XKR6: variants seen among roughly 807,000 people sequenced by gnomAD.
XKR6 encodes the protein XK-related protein 6.
In XKR6, 22 loss-of-function variants were observed where a neutral mutation model predicts 56.7. The observed-to-expected ratio is 0.39, with a 90% CI of 0.28 to 0.55. The LOEUF (loss-of-function observed/expected upper bound fraction) is 0.55, where lower values mean the gene tolerates loss of function less well. Ranked by LOEUF, XKR6 falls within the 20% of genes least tolerant of loss-of-function variation. XKR6 has a pLI of 0.66. For missense variants in XKR6, 852 were observed against 889.0 expected (o/e 0.96, Z 0.53); for synonymous variants, 524 against 387.8 (o/e 1.35, Z -4.13).
intron 1 of XKR6, among the ~76,000 whole-genome samples, chr8:11,093,988 G>A (rs968013121): frequency 1.2e-4 from 18 of 151,644 alleles, no homozygotes; most frequent in African/African-American, 3.9e-4. Flanking sequence ...GTTTCACCGT[G>A]TTAGCCCGGA....
chr8:11,118,154 T>A (rs1799269597), intron 1 of XKR6, among the ~76,000 whole-genome samples: 1 of 152,312 alleles, frequency 6.6e-6, no homozygotes, highest in African/African-American at 2.4e-5. Flanking sequence ...GGACATTGTT[T>A]ATAACCACAA....
At chr8:11,105,046 T>C (rs1361975793) in intron 1 of XKR6, 1 of 152,162 alleles carries the variant, frequency 6.6e-6, no homozygotes, top group Non-Finnish European at 1.5e-5. Flanking sequence ...GCTGAAGTAA[T>C]TATCAAAACT....
chr8:11,113,676 CA>C (rs1333651486), intron 1 of XKR6, among the ~76,000 whole-genome samples: 1 of 152,118 alleles, frequency 6.6e-6, no homozygotes, highest in Admixed American at 6.6e-5. Flanking sequence ...AAAAAAATTT[CA>C]ATCTCCAACT....
intron 1 of XKR6, among the ~76,000 whole-genome samples, chr8:10,967,190 G>T (rs1802252305): frequency 6.6e-6 from 1 of 152,194 alleles, no homozygotes; most frequent in Non-Finnish European, 1.5e-5. Flanking sequence ...TATGAGAAAA[G>T]CATTCATCTT....
At chr8:11,108,919 C>T (rs144473691) in intron 1 of XKR6, 1 of 152,448 alleles carries the variant, frequency 6.6e-6, no homozygotes, top group East Asian at 1.9e-4. Flanking sequence ...AAGAGTTTGT[C>T]TGAAACTTCC....
At chr8:11,123,976 A>ACTGC (rs1799616574) in intron 1 of XKR6, 1 of 456,122 alleles carries the variant, frequency 2.2e-6, no homozygotes, top group South Asian at 1.5e-5. Context: ...GCTCAGAGGC[A>ACTGC]CTGCCGTGAG....
intron 1 of XKR6, among the ~76,000 whole-genome samples, chr8:10,941,766 C>A (rs1450399214): frequency 6.6e-6 from 1 of 152,088 alleles, no homozygotes; most frequent in South Asian, 2.1e-4. Flanking sequence ...GAGCTGAGAC[C>A]CCCCACCCTC....
chr8:11,063,469 G>C (rs928206995), intron 1 of XKR6, among the ~76,000 whole-genome samples: 3 of 148,528 alleles, frequency 2.0e-5, no homozygotes, highest in African/African-American at 7.5e-5. Flanking sequence ...TCTCACCTCT[G>C]CATTATTCCT....
At chr8:10,913,078 G>A (rs1380492341) in intron 2 of XKR6, among the ~76,000 whole-genome samples, 11 of 150,888 alleles carry the variant, frequency 7.3e-5, no homozygotes, top group Non-Finnish European at 1.6e-4. Context: ...TAGAGAAGGT[G>A]AGTATATCTA....
At chr8:10,975,581 G>A (rs969444423) in intron 1 of XKR6, among the ~76,000 whole-genome samples, 3 of 152,296 alleles carry the variant, frequency 2.0e-5, no homozygotes, top group East Asian at 3.9e-4. Flanking sequence ...ACTGCACAAC[G>A]CGTGTGGTCT....
intron 1 of XKR6, among the ~76,000 whole-genome samples, chr8:10,959,129 A>T (rs1299380860): frequency 6.6e-6 from 1 of 152,170 alleles, no homozygotes; most frequent in African/African-American, 2.4e-5. Context: ...GACTGAGCTC[A>T]TGCACAGATA....
chr8:11,055,883 G>C (rs148690077), intron 1 of XKR6, among the ~76,000 whole-genome samples: 1 of 152,156 alleles, frequency 6.6e-6, no homozygotes, highest in African/African-American at 2.4e-5. Flanking sequence ...CAACCTCCTC[G>C]TAAAACCTGA....
chr8:10,905,262 G>A (rs1800153917), intron 2 of XKR6, among the ~76,000 whole-genome samples: 1 of 152,168 alleles, frequency 6.6e-6, no homozygotes, highest in Admixed American at 6.5e-5. Context: ...CCCCAGTGGA[G>A]AGCTGTCACT....
chr8:11,012,189 AC>A (rs1319621360), intron 1 of XKR6, among the ~76,000 whole-genome samples: 3 of 151,974 alleles, frequency 2.0e-5, no homozygotes, highest in African/African-American at 7.2e-5. Context: ...AGGTCACAGG[AC>A]CCCACCCCAC....
intron 2 of XKR6, among the ~76,000 whole-genome samples, chr8:10,902,650 C>T (rs928277489): frequency 1.5e-4 from 23 of 152,344 alleles, no homozygotes; most frequent in African/African-American, 3.6e-4. Context: ...AGGGTTCGAA[C>T]GCCAGGCCAT....
In XKR6 at chr8:10,921,426, G is replaced by A. The variant is rs142599834; in HGVS notation, c.961+3208C>T. On this transcript the variant is annotated intron_variant, in intron 2 of 2. Coordinates refer to ENST00000416569, the MANE Select transcript of XKR6 (RefSeq NM_173683.4). ...GTACCATGAGGATGGGGAGGTGACC[G>A]TCAGAGCCCTATAAAAGGATGACTC... Among the ~76,000 whole-genome samples, 557 of 152,254 alleles carry A rather than the reference G, an allele frequency of 3.7e-3. 2 individuals are homozygous for A. Among genetic ancestry groups the A allele is most frequent in the Admixed American group, 7.6e-3 (116 of 15,300 alleles).
chr8:11,111,828 G>A (rs1260627731), intron 1 of XKR6: 2 of 151,646 alleles, frequency 1.3e-5, no homozygotes, highest in Non-Finnish European at 2.9e-5. Flanking sequence ...TCCTAAATAT[G>A]TCCAATATAT....
intron 1 of XKR6, among the ~76,000 whole-genome samples, chr8:10,928,094 T>C (rs1044633568): frequency 2.0e-5 from 3 of 152,144 alleles, no homozygotes; most frequent in Admixed American, 2.0e-4. Flanking sequence ...GTTTGCAATA[T>C]AATTAGGTCT....
intron 1 of XKR6, among the ~76,000 whole-genome samples, chr8:10,930,728 A>G (rs1801029334): frequency 6.6e-6 from 1 of 152,360 alleles, no homozygotes; most frequent in South Asian, 2.1e-4. Flanking sequence ...AACACAATTC[A>G]ACATCCATTA....
Sources: gnomAD v4.1 joint callset for allele counts (sites outside exome capture counted in the v4.1 genomes callset) on GRCh38, gnomAD v4.1.1 for gene constraint, MANE v1.5 for transcripts, NCBI Gene and HGNC (gene_info 2026-07-23, HGNC 2026-07-21) for gene names.